The following CSGALNACT1 variants were observed in gnomAD, a reference collection of about 807,000 sequenced individuals.
CSGALNACT1 encodes chondroitin sulfate N-acetylgalactosaminyltransferase 1, also known as beta4GalNAcT-1.
In CSGALNACT1, 52 loss-of-function variants were observed where a neutral mutation model predicts 51.0. The ratio of observed to expected loss-of-function variants is 1.02; its 90% CI spans 0.82 to 1.29. The LOEUF (loss-of-function observed/expected upper bound fraction) is 1.29, where lower values mean the gene tolerates loss of function less well. Ranked by LOEUF, CSGALNACT1 falls within the 50% of genes most tolerant of loss-of-function variation. CSGALNACT1 has a pLI of 0.00. For synonymous variants in CSGALNACT1, 341 were observed against 254.4 expected (o/e 1.34, Z -3.24); for missense variants, 935 against 679.2 (o/e 1.38, Z -4.19).
intron 4 of CSGALNACT1, among the ~76,000 whole-genome samples, chr8:19,472,222 A>T (rs2068358849): frequency 6.6e-6 from 1 of 152,218 alleles, no homozygotes; most frequent in Admixed American, 6.5e-5. Context: ...CCAGTTTCCA[A>T]ACAGCTGTAG....
intron 1 of CSGALNACT1, among the ~76,000 whole-genome samples, chr8:19,634,984 A>G (rs1164604798): frequency 2.0e-5 from 3 of 152,266 alleles, no homozygotes; most frequent in African/African-American, 4.8e-5. Context: ...GGACTCTGTC[A>G]TATCGATTTT....
intron 3 of CSGALNACT1, among the ~76,000 whole-genome samples, chr8:19,532,659 C>T (rs1462978271): frequency 1.3e-5 from 2 of 152,166 alleles, no homozygotes; most frequent in Non-Finnish European, 2.9e-5. Context: ...CTAGCCTTGG[C>T]TCCTACCATA....
chr8:19,439,725 C>G, intron 6 of CSGALNACT1, 105 bp downstream of exon 5: 1 of 876,496 alleles, frequency 1.1e-6, no homozygotes, highest in Non-Finnish European at 1.9e-6. Flanking sequence ...CCCAGTTCAC[C>G]CACAGTGTAA....
chr8:19,521,365 A>AG (rs1392067548), intron 3 of CSGALNACT1, among the ~76,000 whole-genome samples: 2 of 152,190 alleles, frequency 1.3e-5, no homozygotes, highest in Non-Finnish European at 2.9e-5. Flanking sequence ...TTACATGAGG[A>AG]GAAAAAAAAG....
At chr8:19,440,866 A>G (rs1268869771) in intron 5 of CSGALNACT1, among the ~76,000 whole-genome samples, 1 of 152,226 alleles carries the variant, frequency 6.6e-6, no homozygotes, top group Non-Finnish European at 1.5e-5. Flanking sequence ...CAACTTCAGC[A>G]AAGTCTCAGG....
intron 1 of CSGALNACT1, among the ~76,000 whole-genome samples, chr8:19,688,212 C>G (rs2061086105): frequency 6.6e-6 from 1 of 152,122 alleles, no homozygotes; most frequent in South Asian, 2.1e-4. Context: ...GGCTGCTTTC[C>G]TCAATGGGTA....
At chr8:19,687,717 A>G (rs1492645) in intron 1 of CSGALNACT1, among the ~76,000 whole-genome samples, 135,697 of 152,196 alleles carry the variant, frequency 0.89, 60,742 homozygotes, top group African/African-American at 0.97. Context: ...CTAGTCTTTG[A>G]TCTTTACTCC....
chr8:19,751,728 T>G (rs552805141), intron 1 of CSGALNACT1, among the ~76,000 whole-genome samples: 4 of 152,206 alleles, frequency 2.6e-5, no homozygotes, highest in Middle Eastern at 3.4e-3. Context: ...GTGATAGAGT[T>G]CTCATGAGAT....
At chr8:19,418,509 C>G in intron 8 of CSGALNACT1, 147 bp downstream of exon 7, 1 of 706,828 alleles carries the variant, frequency 1.4e-6, no homozygotes, top group Non-Finnish European at 2.6e-6. Flanking sequence ...GCGCCGGGAG[C>G]AGAGGCCAGC....
chr8:19,454,501 T>C, intron 5 of CSGALNACT1, among the ~76,000 whole-genome samples: 1 of 152,072 alleles, frequency 6.6e-6, no homozygotes, highest in Admixed American at 6.6e-5. Context: ...TGAAACCCAG[T>C]CTCTACTAAA....
intron 3 of CSGALNACT1, chr8:19,591,123 C>T (rs1159771299): frequency 6.6e-6 from 1 of 152,154 alleles, no homozygotes; most frequent in African/African-American, 2.4e-5. Context: ...TTTCACAGAG[C>T]TGATATTTAG....
chr8:19,640,767 C>A (rs2056643564), intron 1 of CSGALNACT1, among the ~76,000 whole-genome samples: 1 of 152,060 alleles, frequency 6.6e-6, no homozygotes, highest in East Asian at 1.9e-4. Flanking sequence ...ACTCTGCAGG[C>A]CCTTACACTA....
At chr8:19,506,668 T>G (rs1421352930) in intron 3 of CSGALNACT1, among the ~76,000 whole-genome samples, 4 of 152,118 alleles carry the variant, frequency 2.6e-5, no homozygotes, top group Non-Finnish European at 5.9e-5. Context: ...CTTGCTGGAG[T>G]GAGTTGGCAC....
chr8:19,438,477 G>A (rs902286710), intron 6 of CSGALNACT1, among the ~76,000 whole-genome samples: 2 of 152,100 alleles, frequency 1.3e-5, no homozygotes, highest in African/African-American at 2.4e-5. Context: ...TAGGATATTC[G>A]ATTATTTTAT....
intron 6 of CSGALNACT1, among the ~76,000 whole-genome samples, chr8:19,424,210 C>T (rs1274867512): frequency 6.6e-6 from 1 of 152,170 alleles, no homozygotes; most frequent in African/African-American, 2.4e-5. Context: ...TCACTGCTGG[C>T]TTGGGAAGCA....
At chr8:19,470,226 A>C (rs2067806742) in intron 4 of CSGALNACT1, among the ~76,000 whole-genome samples, 2 of 152,160 alleles carry the variant, frequency 1.3e-5, no homozygotes, top group African/African-American at 4.8e-5. Flanking sequence ...GGATACAAAT[A>C]GAGAAAGCTT....
intron 4 of CSGALNACT1, among the ~76,000 whole-genome samples, chr8:19,486,070 C>T (rs1167204056): frequency 6.6e-6 from 1 of 151,424 alleles, no homozygotes; most frequent in Non-Finnish European, 1.5e-5. Flanking sequence ...TCAGCTGCCA[C>T]TTAAGGGTTT....
chr8:19,715,356 A>T (rs12545833), intron 1 of CSGALNACT1, among the ~76,000 whole-genome samples: 55,399 of 152,070 alleles, frequency 0.36, 10,850 homozygotes, highest in East Asian at 0.65. Flanking sequence ...TTTAGCTCCC[A>T]CTTATAAGTG....
chr8:19,535,407 A>G (rs1280575605), intron 3 of CSGALNACT1, among the ~76,000 whole-genome samples: 1 of 152,200 alleles, frequency 6.6e-6, no homozygotes, highest in Non-Finnish European at 1.5e-5. Context: ...AAAATTAGTT[A>G]AAAGTTGATG....
Sources: allele counts gnomAD v4.1 joint callset (sites outside exome capture counted in the v4.1 genomes callset), GRCh38; gene constraint gnomAD v4.1.1; transcripts MANE v1.5; gene names NCBI Gene and HGNC (gene_info 2026-07-23, HGNC 2026-07-21).